LTBP2: variants seen among roughly 807,000 people sequenced by gnomAD.
LTBP2 encodes latent transforming growth factor beta binding protein 2.
In LTBP2, 103 loss-of-function variants were observed where a neutral mutation model predicts 210.6. That is an observed-to-expected ratio of 0.49 (90% CI 0.42 to 0.58). The LOEUF is 0.58. Among genes scored for constraint, LTBP2 ranks in the 20% least tolerant of loss-of-function variants. The probability of loss-of-function intolerance (pLI) is 0.00; values close to 1 mark genes in which losing one functional copy is unlikely to be tolerated. For missense variants in LTBP2, 2,313 were observed against 2,494.5 expected, an observed-to-expected ratio of 0.93 and a Z score of 1.55; for synonymous variants, 1,007 against 1,015.0, an observed-to-expected ratio of 0.99 and a Z score of 0.15.
rs770291952 is a variant in LTBP2, at chr14:74,552,255, C to T, written c.1331G>A (p.Arg444His). The change falls in exon 6 of 36, where the codon CGC becomes CAC. Residue 444 changes from arginine to histidine, a missense_variant. By Grantham distance (29) the Arg-to-His change is conservative. Around this residue, in one of 3 missense-constraint regions of LTBP2, gnomAD observed 1,867 missense variants for 1,976.9 expected, o/e 0.94. Transcript: ENST00000261978. ...PDREPPGRGS[R>H]PRALLEAPLK... The stretch of plus-strand genomic sequence containing the variant: ...TGGGGCTTCCAGCAAGGCCCTGGGG[C>T]GGGACCCCCTCCCTGGAGGCTCCCT... The T allele has an allele frequency of 2.8e-5, 45 of 1,612,890 alleles. No individual in the cohort carries two copies. The highest frequency in any genetic ancestry group is 4.0e-5 in the African/African-American group (3 of 74,916).
At position 74,502,724 on chromosome 14, in the gene LTBP2, T is replaced by C; in HGVS notation, c.5099A>G (p.Asp1700Gly). 6.2e-7 allele frequency: 1 copy of C among 1,614,120 alleles called. No homozygotes were observed. Among genetic ancestry groups the C allele is most frequent in the Non-Finnish European group, 8.5e-7 (1 of 1,180,028 alleles). ...AFPNTAGHSADRTPILESPLQ... is the reference protein window; with the variant it reads ...AFPNTAGHSAGRTPILESPLQ... ...AGGAGACTCAAGGATGGGTGTGCGG[T>C]CCGCTGAGTGACCGGCTGTGTTGGG... Residue 1700 changes from aspartate to glycine, a missense_variant, in exon 34 of 36, where the codon GAC becomes GGC. Asp to Gly is a moderately conservative substitution (Grantham distance 94, BLOSUM62 -1). Coordinates refer to ENST00000261978, the MANE Select transcript of LTBP2 (RefSeq NM_000428.3).
chr14:74,603,507 C>T, intron 2 of LTBP2, 128 bp downstream of exon 2: 1 of 900,490 alleles, frequency 1.1e-6, no homozygotes, highest in Non-Finnish European at 1.8e-6. Flanking sequence ...CTTCAGGACG[C>T]AGACTAGGAA....
At chr14:74,609,832 C>T (rs2088579628) in intron 1 of LTBP2, among the ~76,000 whole-genome samples, 1 of 152,264 alleles carries the variant, frequency 6.6e-6, no homozygotes, top group South Asian at 2.1e-4. Flanking sequence ...CCAGCAGGAA[C>T]AATGCCTTGG....
chr14:74,535,161 C>T (rs546274057), intron 9 of LTBP2, among the ~76,000 whole-genome samples: 198 of 152,182 alleles, frequency 1.3e-3, no homozygotes, highest in African/African-American at 4.6e-3. Flanking sequence ...TGCTTATCCA[C>T]GGGCTAGGAA....
chr14:74,550,925 T>G (rs768782514), intron 7 of LTBP2, 139 bp downstream of exon 7: 33 of 1,133,002 alleles, frequency 2.9e-5, no homozygotes, highest in Non-Finnish European at 4.1e-5. Context: ...GCCTTGGGTT[T>G]TCCCATCTGG....
chr14:74,594,041 C>T (rs556802618), intron 2 of LTBP2, among the ~76,000 whole-genome samples: 1 of 152,142 alleles, frequency 6.6e-6, no homozygotes, highest in Admixed American at 6.5e-5. Flanking sequence ...ATTTTATGGA[C>T]GAGGCCCTGT....
intron 2 of LTBP2, among the ~76,000 whole-genome samples, chr14:74,598,920 G>A (rs532744579): frequency 1.3e-5 from 2 of 152,154 alleles, no homozygotes; most frequent in Non-Finnish European, 2.9e-5. Context: ...TTCATGTCTG[G>A]GCTCTGATGA....
intron 8 of LTBP2, 66 bp downstream of exon 8, chr14:74,549,797 G>T: frequency 7.4e-7 from 1 of 1,347,954 alleles, no homozygotes; most frequent in Non-Finnish European, 1.1e-6. Context: ...GGGAAACCCT[G>T]GCAGGAGAGG....
chr14:74,585,754 G>C (rs761794963), intron 3 of LTBP2, 100 bp downstream of exon 3: 1 of 1,568,504 alleles, frequency 6.4e-7, no homozygotes, highest in Non-Finnish European at 8.7e-7. Flanking sequence ...AGGACTCTGC[G>C]GCCTTCTCCA....
At position 74,604,322 on chromosome 14, in the gene LTBP2, C is replaced by A. The variant is rs575749248; in HGVS notation, c.495-617G>T. Among the ~76,000 whole-genome samples the A allele has an allele frequency of 3.9e-5, 6 of 152,204 alleles. No individual in the cohort carries two copies. In the East Asian group the frequency reaches 9.7e-4, roughly 25 times the overall value. On this transcript the variant is annotated intron_variant, in intron 1 of 35. Coordinates refer to ENST00000261978, the MANE Select transcript of LTBP2 (RefSeq NM_000428.3). ...ACGAATGCACACTGAGGAGTCTCAG[C>A]CCCCGGCAGTCTGGTGCGTGGGAAG...
chr14:74,547,743 C>A (rs780424394), intron 8 of LTBP2, among the ~76,000 whole-genome samples: 11 of 152,050 alleles, frequency 7.2e-5, no homozygotes, highest in Admixed American at 2.0e-4. Context: ...TTGGTCAGCG[C>A]AGCAGGTACT....
chr14:74,498,396 A>AT lies in LTBP2; in HGVS notation c.*2487dup, dbSNP rs1341454847. The AT allele has an allele frequency of 2.0e-5, 4 of 199,116 alleles. No individual in the cohort carries two copies. The highest frequency in any genetic ancestry group is 9.2e-5 in the African/African-American group (4 of 43,498). 12.3% of individuals were successfully genotyped at this position (199,116 alleles called of 1,614,324 possible). On this transcript the variant is annotated 3_prime_UTR_variant, in exon 36 of 36. Coordinates refer to ENST00000261978, the MANE Select transcript of LTBP2 (RefSeq NM_000428.3). ...TATGCACAAGAATATTCATTACAGCATTATTTATAGCAAAAGACAGGAAAC... is the reference window on the plus strand; with the variant it reads ...TATGCACAAGAATATTCATTACAGCATTTATTTATAGCAAAAGACAGGAAAC...
intron 8 of LTBP2, among the ~76,000 whole-genome samples, 192 bp downstream of exon 8, chr14:74,549,671 C>A (rs2087623924): frequency 6.6e-6 from 1 of 152,250 alleles, no homozygotes. Context: ...GGACAGACTG[C>A]ACCAGCAGAG....
chr14:74,545,890 T>C (rs1320924475), intron 8 of LTBP2, among the ~76,000 whole-genome samples: 2 of 152,208 alleles, frequency 1.3e-5, no homozygotes, highest in East Asian at 1.9e-4. Flanking sequence ...AGAGGGGAAC[T>C]GTGGGCTGGT....
At position 74,532,423 on chromosome 14, in the gene LTBP2, C is replaced by T; in HGVS notation, c.1987+3G>A. 1.2e-6 allele frequency: 2 copies of T among 1,613,322 alleles called. No individual in the cohort carries two copies. The highest frequency in any genetic ancestry group is 1.1e-5 in the South Asian group (1 of 91,040). ...CCCCCACCCCATCCCTGCCAGCACT[C>T]ACACACACAGCGGCTCCGCGATGGA... On this transcript the variant is annotated splice_donor_region_variant and intron_variant, in intron 10 of 35. Transcript: ENST00000261978.
intron 3 of LTBP2, among the ~76,000 whole-genome samples, chr14:74,556,583 C>A (rs561762988): frequency 6.6e-6 from 1 of 152,362 alleles, no homozygotes; most frequent in South Asian, 2.1e-4. Context: ...ATGGCGCGAT[C>A]TCAGCTCACT....
At chr14:74,557,248 G>A (rs2087741745) in intron 3 of LTBP2, among the ~76,000 whole-genome samples, 1 of 152,156 alleles carries the variant, frequency 6.6e-6, no homozygotes, top group Non-Finnish European at 1.5e-5. Flanking sequence ...GCAACAGAGG[G>A]AGACTCCATC....
Position 74,540,865 on chromosome 14 carries a change from AT to A in LTBP2, c.1790-4866del, listed in dbSNP as rs1202437747. Among the ~76,000 whole-genome samples, 32 of 97,184 alleles carry A rather than the reference AT, an allele frequency of 3.3e-4. 1 individual carries two copies. In the South Asian group the frequency reaches 4.2e-3, roughly 13 times the overall value. The allele number at this position is 97,184 out of a possible 152,430, so 63.8% of individuals were successfully genotyped here. A position where few individuals can be genotyped will look rare whatever the true frequency, so the allele number is the denominator to read the frequency against. ...TATATATATTATATATATTATATAT[AT>A]TTATATATATAATATATATATTATA... On this transcript the variant is annotated intron_variant, in intron 8 of 35. Transcript: ENST00000261978.
intron 17 of LTBP2, among the ~76,000 whole-genome samples, 164 bp downstream of exon 17, chr14:74,521,747 C>T (rs1415791705): frequency 6.6e-6 from 1 of 152,226 alleles, no homozygotes; most frequent in Non-Finnish European, 1.5e-5. Flanking sequence ...TAGAATCAGC[C>T]TCCTCCCAGA....
Sources: allele counts gnomAD v4.1 joint callset (sites outside exome capture counted in the v4.1 genomes callset), GRCh38; gene constraint gnomAD v4.1.1; regional missense constraint gnomAD v4.1.1; transcripts MANE v1.5; gene names NCBI Gene and HGNC (gene_info 2026-07-23, HGNC 2026-07-21).